Variants in CELF5 observed in about 807,000 individuals in gnomAD.
The protein encoded by CELF5 is CUG-BP and ETR-3 like factor 5.
A neutral mutation model predicts 54.9 loss-of-function variants in CELF5; 6 were observed. That is an observed-to-expected ratio of 0.11 (90% CI 0.06 to 0.22). The LOEUF is 0.22. CELF5 is among the 10% of genes least tolerant of loss of function. CELF5 has a pLI of 1.00. For missense variants in CELF5, 401 were observed against 678.6 expected (o/e 0.59, Z 4.54); for synonymous variants, 271 against 290.9 (o/e 0.93, Z 0.70).
At chr19:3,236,495 C>T (rs1428478085) in intron 1 of CELF5, among the ~76,000 whole-genome samples, 7 of 152,194 alleles carry the variant, frequency 4.6e-5, no homozygotes, top group African/African-American at 1.7e-4. Flanking sequence ...AGACTAAGAA[C>T]TTGGAGACCC....
At chr19:3,271,234 GC>G (rs112062802) in intron 2 of CELF5, among the ~76,000 whole-genome samples, 2 of 138,938 alleles carry the variant, frequency 1.4e-5, no homozygotes, top group Non-Finnish European at 3.1e-5. Context: ...TCCTGCAGGT[GC>G]CCCCCCATCT....
chr19:3,265,157 C>A (rs368108269), intron 2 of CELF5, among the ~76,000 whole-genome samples: 1 of 152,094 alleles, frequency 6.6e-6, no homozygotes, highest in Non-Finnish European at 1.5e-5. Context: ...GGCAACATAG[C>A]AAGACCCCAT....
intron 2 of CELF5, among the ~76,000 whole-genome samples, chr19:3,263,181 A>G (rs577788854): frequency 6.9e-6 from 1 of 145,900 alleles, no homozygotes; most frequent in Admixed American, 7.0e-5. Flanking sequence ...CAGGAGGTGA[A>G]GTTTGCGGTG....
At chr19:3,232,544 G>C (rs1377626271) in intron 1 of CELF5, among the ~76,000 whole-genome samples, 1 of 151,872 alleles carries the variant, frequency 6.6e-6, no homozygotes, top group Non-Finnish European at 1.5e-5. Flanking sequence ...GCCCTTTACA[G>C]AGTGAGTCTG....
At chr19:3,252,582 C>G (rs894415471) in intron 2 of CELF5, among the ~76,000 whole-genome samples, 2 of 152,156 alleles carry the variant, frequency 1.3e-5, no homozygotes, top group African/African-American at 4.8e-5. Flanking sequence ...CATTCGTAGC[C>G]TTCGTGCTTG....
intron 10 of CELF5, 154 bp downstream of exon 10, chr19:3,286,179 C>T: frequency 1.8e-6 from 1 of 570,798 alleles, no homozygotes; most frequent in South Asian, 2.5e-5. Context: ...CCGGTGCAGC[C>T]GCTGACCCCT....
intron 11 of CELF5, among the ~76,000 whole-genome samples, chr19:3,292,141 T>C (rs1014289146): frequency 5.9e-5 from 9 of 151,914 alleles, no homozygotes; most frequent in African/African-American, 2.2e-4. Context: ...GAAATGGGGT[T>C]TCACCATGTT....
intron 1 of CELF5, among the ~76,000 whole-genome samples, chr19:3,242,500 G>A (rs572316058): frequency 2.0e-5 from 3 of 151,724 alleles, no homozygotes; most frequent in African/African-American, 4.8e-5. Flanking sequence ...GTGAAACCCT[G>A]TCTCTACTAA....
chr19:3,294,453 G>A (rs1486318914), intron 12 of CELF5: 1 of 151,168 alleles, frequency 6.6e-6, no homozygotes, highest in Non-Finnish European at 1.5e-5. Flanking sequence ...TCAGAGTCTC[G>A]CCTAGGGCCT....
At position 3,278,061 on chromosome 19, in the gene CELF5, C is replaced by A. The variant is rs1367120850; in HGVS notation, c.554C>A (p.Thr185Lys). ...GCTTTCGTGAAGTTCTCCTCCCACA[C>A]GGAGGCGCAGGCGGCCATCCACGCC... ...GCAFVKFSSH[T>K]EAQAAIHALH... The change falls in exon 5 of 13, where the codon ACG becomes AAG. Residue 185 changes from threonine to lysine, a missense_variant. Physicochemically the swap from Thr to Lys is moderately conservative, Grantham distance 78. Transcript: ENST00000292672. The surrounding 1 kb of genome is among the most constrained non-coding windows in gnomAD (Gnocchi z 4.5). 5.8e-6 allele frequency: 9 copies of A among 1,563,794 alleles called. No homozygotes were observed. The highest frequency in any genetic ancestry group is 1.7e-5 in the Admixed American group (1 of 58,234).
At chr19:3,256,841 T>G (rs2079734537) in intron 2 of CELF5, among the ~76,000 whole-genome samples, 2 of 151,922 alleles carry the variant, frequency 1.3e-5, no homozygotes. Flanking sequence ...GTGCTGGGAT[T>G]ACAGGCGTCA....
chr19:3,264,527 T>C (rs2079853829), intron 2 of CELF5, among the ~76,000 whole-genome samples: 1 of 151,344 alleles, frequency 6.6e-6, no homozygotes, highest in Non-Finnish European at 1.5e-5. Context: ...GCTATTCTCC[T>C]GCCTCAGCCT....
At chr19:3,255,325 C>T (rs533102564) in intron 2 of CELF5, among the ~76,000 whole-genome samples, 6 of 152,316 alleles carry the variant, frequency 3.9e-5, no homozygotes, top group Non-Finnish European at 8.8e-5. Flanking sequence ...GCTGGGATTA[C>T]AGGCATGAGC....
chr19:3,236,428 G>C (rs1192141648), intron 1 of CELF5, among the ~76,000 whole-genome samples: 3 of 152,144 alleles, frequency 2.0e-5, no homozygotes, highest in Non-Finnish European at 4.4e-5. Context: ...ACAGCAGAAA[G>C]GTACTGAGCT....
At chr19:3,291,851 T>C (rs2080354514) in intron 11 of CELF5, among the ~76,000 whole-genome samples, 1 of 152,002 alleles carries the variant, frequency 6.6e-6, no homozygotes, top group South Asian at 2.1e-4. Flanking sequence ...ACAGAGGACA[T>C]TAAGGCTCTG....
intron 2 of CELF5, among the ~76,000 whole-genome samples, chr19:3,267,296 TCC>T (rs1385186432): frequency 8.7e-5 from 13 of 150,080 alleles, no homozygotes; most frequent in Admixed American, 4.0e-4. Flanking sequence ...CCCCCCCGTT[TCC>T]GGTTCCCGCA....
intron 8 of CELF5, among the ~76,000 whole-genome samples, chr19:3,283,293 A>G (rs1443146332): frequency 6.6e-6 from 1 of 152,206 alleles, no homozygotes; most frequent in Non-Finnish European, 1.5e-5. Context: ...GAAGTAAGTT[A>G]TCTGTCTTTC....
chr19:3,256,952 T>C (rs1419104634), intron 2 of CELF5, among the ~76,000 whole-genome samples: 5 of 152,032 alleles, frequency 3.3e-5, no homozygotes, highest in African/African-American at 1.2e-4. Flanking sequence ...AGCACGATCA[T>C]AGCTCATGGT....
rs1031972676 is a variant in CELF5, at chr19:3,284,841, C to T, written c.1040-61C>T. ...TGCTGTCCTTGCGGCTCTTAAGGATCGGGGGTGGATGGAAGACTTCTGCTG... is the reference window on the plus strand; with the variant it reads ...TGCTGTCCTTGCGGCTCTTAAGGATTGGGGGTGGATGGAAGACTTCTGCTG... On this transcript the variant is annotated intron_variant, in intron 8 of 12. Coordinates refer to ENST00000292672, the MANE Select transcript of CELF5 (RefSeq NM_021938.4). The T allele has an allele frequency of 6.3e-6, 9 of 1,430,566 alleles. No individual in the cohort carries two copies. In the African/African-American group the frequency reaches 9.8e-5, roughly 16 times the overall value. 88.6% of individuals were successfully genotyped at this position (1,430,566 alleles called of 1,614,324 possible).
Sources: gnomAD v4.1 joint callset for allele counts (sites outside exome capture counted in the v4.1 genomes callset) on GRCh38, gnomAD v4.1.1 for gene constraint, Gnocchi (gnomAD v3.1) non-coding constraint, MANE v1.5 for transcripts, NCBI Gene and HGNC (gene_info 2026-07-23, HGNC 2026-07-21) for gene names.